The following SKAP2 variants were observed in gnomAD, a reference collection of about 807,000 sequenced individuals.
The protein encoded by SKAP2 is src kinase associated phosphoprotein 2.
In SKAP2, 28 loss-of-function variants were observed where a neutral mutation model predicts 54.9. That is an observed-to-expected ratio of 0.51 (90% CI 0.38 to 0.70). SKAP2 has a LOEUF of 0.70. Ranked by LOEUF, SKAP2 falls within the 30% of genes least tolerant of loss-of-function variation. The pLI is 0.00. For missense variants in SKAP2, 356 were observed against 424.1 expected (o/e 0.84, Z 1.41); for synonymous variants, 137 against 134.3 (o/e 1.02, Z -0.14).
chr7:26,761,783 C>T (rs935042737), intron 4 of SKAP2, among the ~76,000 whole-genome samples: 1 of 152,110 alleles, frequency 6.6e-6, no homozygotes, highest in South Asian at 2.1e-4. Context: ...ATCTGTAATC[C>T]CGGCAACTCG....
At chr7:26,697,875 T>C (rs977648559) in intron 9 of SKAP2, among the ~76,000 whole-genome samples, 1 of 152,190 alleles carries the variant, frequency 6.6e-6, no homozygotes, top group Non-Finnish European at 1.5e-5. Flanking sequence ...GTATTCATTG[T>C]CCCCATACAT....
intron 9 of SKAP2, among the ~76,000 whole-genome samples, chr7:26,690,643 C>A (rs958532713): frequency 6.6e-6 from 1 of 152,174 alleles, no homozygotes; most frequent in Non-Finnish European, 1.5e-5. Context: ...ACCTTTCCAA[C>A]TGGCTTGGCA....
chr7:26,834,882 G>A (rs1037467440), intron 4 of SKAP2, among the ~76,000 whole-genome samples: 1 of 151,994 alleles, frequency 6.6e-6, no homozygotes, highest in Non-Finnish European at 1.5e-5. Context: ...ACCTGGCAGG[G>A]ACACAACAAA....
chr7:26,788,263 G>C (rs1783599848), intron 4 of SKAP2, among the ~76,000 whole-genome samples: 1 of 152,150 alleles, frequency 6.6e-6, no homozygotes, highest in Non-Finnish European at 1.5e-5. Context: ...AGAACAATCA[G>C]TAGATAATTA....
At chr7:26,692,593 T>C (rs1357241110) in intron 9 of SKAP2, among the ~76,000 whole-genome samples, 2 of 152,228 alleles carry the variant, frequency 1.3e-5, no homozygotes, top group Non-Finnish European at 2.9e-5. Context: ...ATATCTGGCA[T>C]TTTATTCATA....
At chr7:26,761,736 T>C (rs1282109127) in intron 4 of SKAP2, among the ~76,000 whole-genome samples, 1 of 152,018 alleles carries the variant, frequency 6.6e-6, no homozygotes, top group Non-Finnish European at 1.5e-5. Flanking sequence ...CTGTCTCTAC[T>C]AAAAATAGAA....
intron 9 of SKAP2, among the ~76,000 whole-genome samples, chr7:26,700,313 A>T (rs1786993917): frequency 6.6e-6 from 1 of 152,166 alleles, no homozygotes; most frequent in South Asian, 2.1e-4. Flanking sequence ...TCCAGTAATT[A>T]GTGTTTCATC....
chr7:26,725,508 T>A lies in SKAP2; in HGVS notation c.716A>T (p.Asp239Val). Reference sequence around the variant, plus strand: ...GCTTATTGGTAGAGGATGATCAACATCATCATATAATTCTCCTCTCTCATC... The same window carrying A: ...GCTTATTGGTAGAGGATGATCAACAACATCATATAATTCTCCTCTCTCATC... ...DYDERGELYD[D>V]VDHPLPISNP... is the part of the protein sequence containing the mutation. Residue 239 changes from aspartate (D) to valine (V), a missense_variant, in exon 9 of 13, where the codon GAT becomes GTT. Asp to Val is a radical substitution (Grantham distance 152, BLOSUM62 -3). Coordinates refer to ENST00000345317, the MANE Select transcript of SKAP2 (RefSeq NM_003930.5). 6.2e-7 allele frequency: 1 copy of A among 1,611,732 alleles called. No individual in the cohort carries two copies.
At chr7:26,768,228 G>T (rs1356484028) in intron 4 of SKAP2, among the ~76,000 whole-genome samples, 4 of 149,818 alleles carry the variant, frequency 2.7e-5, no homozygotes, top group Admixed American at 2.7e-4. Context: ...TGTCTTTTTT[G>T]ATCTTTGTTG....
intron 4 of SKAP2, among the ~76,000 whole-genome samples, chr7:26,823,897 T>G (rs183303479): frequency 9.2e-4 from 140 of 152,320 alleles, no homozygotes; most frequent in African/African-American, 3.2e-3. Flanking sequence ...AGTAGTTTCT[T>G]GTGATGGGAT....
At chr7:26,692,332 A>C (rs1584334036) in intron 9 of SKAP2, among the ~76,000 whole-genome samples, 1 of 152,322 alleles carries the variant, frequency 6.6e-6, no homozygotes. Flanking sequence ...TTTCAACAGG[A>C]GGAATTTAAT....
At chr7:26,792,830 C>T (rs1783698505) in intron 4 of SKAP2, among the ~76,000 whole-genome samples, 1 of 152,110 alleles carries the variant, frequency 6.6e-6, no homozygotes, top group Non-Finnish European at 1.5e-5. Flanking sequence ...GGATCTTTTA[C>T]AAGGCAGACA....
At chr7:26,804,019 T>C (rs1265377275) in intron 4 of SKAP2, among the ~76,000 whole-genome samples, 5 of 151,882 alleles carry the variant, frequency 3.3e-5, no homozygotes, top group Admixed American at 6.6e-5. Context: ...ATGAAAAAAA[T>C]AGAAAGAATG....
intron 9 of SKAP2, among the ~76,000 whole-genome samples, chr7:26,708,951 T>C (rs1316357425): frequency 6.6e-6 from 1 of 152,208 alleles, no homozygotes; most frequent in Admixed American, 6.5e-5. Context: ...TCATGTTTCA[T>C]TTTCTTTAGT....
intron 4 of SKAP2, among the ~76,000 whole-genome samples, chr7:26,819,905 G>A (rs929002635): frequency 2.6e-5 from 4 of 151,954 alleles, no homozygotes; most frequent in South Asian, 2.1e-4. Flanking sequence ...TACTGTCTAC[G>A]AGGTGATAAC....
chr7:26,849,032 G>C lies in SKAP2; in HGVS notation c.200-4895C>G, dbSNP rs572007329. Among the ~76,000 whole-genome samples, 7 of 152,316 alleles carry C rather than the reference G, an allele frequency of 4.6e-5. No individual in the cohort carries two copies. The South Asian group carries it at 1.2e-3, about 27-fold the overall frequency. On this transcript the variant is annotated intron_variant, in intron 3 of 12. Coordinates refer to ENST00000345317, the MANE Select transcript of SKAP2 (RefSeq NM_003930.5). ...TTTTACAAGGCCAATGGTGGGGGTA[G>C]GTGGTCGAAGGAAAAAGCTGTGAAT... is the stretch of plus-strand genomic sequence containing the variant.
intron 4 of SKAP2, among the ~76,000 whole-genome samples, chr7:26,769,033 T>G (rs896045526): frequency 4.6e-5 from 7 of 152,206 alleles, no homozygotes; most frequent in Non-Finnish European, 8.8e-5. Context: ...TTCTCCTGGA[T>G]AATATCCTGA....
intron 4 of SKAP2, among the ~76,000 whole-genome samples, chr7:26,794,295 C>T (rs1032909872): frequency 3.3e-5 from 5 of 152,078 alleles, no homozygotes; most frequent in Non-Finnish European, 7.4e-5. Context: ...GGGTAGACAC[C>T]CTGATAGCAA....
At chr7:26,698,690 A>G (rs574909366) in intron 9 of SKAP2, among the ~76,000 whole-genome samples, 2 of 152,328 alleles carry the variant, frequency 1.3e-5, no homozygotes, top group South Asian at 2.1e-4. Context: ...CCATTTTTTT[A>G]TTCATGGAAC....
Sources: allele counts gnomAD v4.1 joint callset (sites outside exome capture counted in the v4.1 genomes callset), GRCh38; gene constraint gnomAD v4.1.1; transcripts MANE v1.5; gene names NCBI Gene and HGNC (gene_info 2026-07-23, HGNC 2026-07-21).